WWOX: variants seen among roughly 807,000 people sequenced by gnomAD.
WWOX encodes WW domain-containing oxidoreductase.
WWOX carries 69 observed loss-of-function variants against 46.2 expected under a neutral mutation model. The ratio of observed to expected loss-of-function variants is 1.49; its 90% CI spans 1.23 to 1.82. The LOEUF (loss-of-function observed/expected upper bound fraction) is 1.82, where lower values mean the gene tolerates loss of function less well. WWOX is among the 40% of genes most tolerant of loss of function. WWOX has a pLI of 0.00. For synonymous variants in WWOX, 359 were observed against 202.6 expected, an observed-to-expected ratio of 1.77 and a Z score of -6.56; for missense variants, 919 against 542.6, an observed-to-expected ratio of 1.69 and a Z score of -6.89.
intron 8 of WWOX, among the ~76,000 whole-genome samples, chr16:79,207,557 A>G (rs1176748586): frequency 6.6e-6 from 1 of 152,248 alleles, no homozygotes; most frequent in Non-Finnish European, 1.5e-5. Context: ...GCAATCTTAG[A>G]ACATCTACTC....
intron 5 of WWOX, among the ~76,000 whole-genome samples, chr16:78,301,718 A>T (rs547072120): frequency 9.2e-5 from 14 of 152,242 alleles, no homozygotes; most frequent in African/African-American, 2.9e-4. Context: ...AAAGACTGAG[A>T]ATTGGAAATC....
intron 6 of WWOX, among the ~76,000 whole-genome samples, chr16:78,391,629 C>G (rs919397229): frequency 6.6e-6 from 1 of 152,154 alleles, no homozygotes; most frequent in Non-Finnish European, 1.5e-5. Context: ...GGGTGGATTG[C>G]TTGAGGCCAG....
chr16:78,352,540 C>T (rs1412280682), intron 5 of WWOX, among the ~76,000 whole-genome samples: 1 of 152,176 alleles, frequency 6.6e-6, no homozygotes, highest in Non-Finnish European at 1.5e-5. Flanking sequence ...TGCCCTGTTC[C>T]TGGTTCTCTC....
At chr16:78,282,105 G>T (rs541093108) in intron 5 of WWOX, among the ~76,000 whole-genome samples, 3 of 152,106 alleles carry the variant, frequency 2.0e-5, no homozygotes, top group Admixed American at 6.5e-5. Flanking sequence ...TCATGTCCCC[G>T]GATGATGCGG....
intron 8 of WWOX, among the ~76,000 whole-genome samples, chr16:79,037,009 G>C (rs977873794): frequency 1.4e-4 from 21 of 152,256 alleles, no homozygotes; most frequent in African/African-American, 5.1e-4. Context: ...CATGGCTCAC[G>C]TATTAACTGT....
chr16:78,808,276 C>G (rs968011342), intron 8 of WWOX, among the ~76,000 whole-genome samples: 2 of 152,180 alleles, frequency 1.3e-5, no homozygotes, highest in African/African-American at 4.8e-5. Flanking sequence ...CCCCTTTGGA[C>G]TATGGATCCG....
At chr16:78,369,276 A>C (rs1474580631) in intron 5 of WWOX, among the ~76,000 whole-genome samples, 1 of 152,154 alleles carries the variant, frequency 6.6e-6, no homozygotes, top group Non-Finnish European at 1.5e-5. Flanking sequence ...AGAATATTGC[A>C]GTGAAAACAC....
intron 8 of WWOX, among the ~76,000 whole-genome samples, chr16:78,834,904 C>T (rs866106629): frequency 3.3e-5 from 5 of 152,112 alleles, no homozygotes; most frequent in Admixed American, 2.6e-4. Flanking sequence ...TCATGCGTAC[C>T]ACCTTAGTCT....
intron 8 of WWOX, chr16:78,825,851 G>A (rs762207180): frequency 6.3e-6 from 4 of 631,614 alleles, no homozygotes; most frequent in Non-Finnish European, 1.2e-5. Flanking sequence ...GCTGCCCTGG[G>A]ACCCCGCTGG....
intron 8 of WWOX, among the ~76,000 whole-genome samples, chr16:78,942,590 G>T (rs909309272): frequency 3.5e-5 from 5 of 143,292 alleles, no homozygotes; most frequent in Non-Finnish European, 5.9e-5. Flanking sequence ...ATCAAGGAGA[G>T]CGTTACATTT....
intron 8 of WWOX, among the ~76,000 whole-genome samples, chr16:78,539,103 A>G (rs917394899): frequency 2.6e-5 from 4 of 152,220 alleles, no homozygotes; most frequent in Admixed American, 2.0e-4. Context: ...TGCAACCCTG[A>G]TAACTTGTGC....
intron 8 of WWOX, among the ~76,000 whole-genome samples, chr16:78,791,123 G>A (rs544191246): frequency 1.1e-4 from 17 of 152,244 alleles, no homozygotes; most frequent in Non-Finnish European, 2.2e-4. Flanking sequence ...GAAGAAGGGG[G>A]TTGGAGGTCA....
At chr16:78,379,463 T>C (rs1188772205) in intron 5 of WWOX, among the ~76,000 whole-genome samples, 1 of 152,162 alleles carries the variant, frequency 6.6e-6, no homozygotes, top group East Asian at 1.9e-4. Context: ...CTCCAGCCAC[T>C]GTACCGACGT....
At chr16:78,982,037 C>G (rs550150489) in intron 8 of WWOX, among the ~76,000 whole-genome samples, 56 of 152,224 alleles carry the variant, frequency 3.7e-4, no homozygotes, top group African/African-American at 1.3e-3. Context: ...GGCTCTGGAC[C>G]TATGCTGGGT....
chr16:79,169,586 T>C lies in WWOX; in HGVS notation c.1057-42022T>C, dbSNP rs1435712287. 2.0e-5 allele frequency among the ~76,000 whole-genome samples: 3 copies of C among 152,266 alleles called. No homozygotes were observed. In the East Asian group the frequency reaches 5.8e-4, roughly 29 times the overall value. On this transcript the variant is annotated intron_variant, in intron 8 of 8. Transcript: ENST00000566780. ...GAATCAAGGATGGGGAAGAGGAATTTTGAGAATGTGCTTCCTGCTTCACAC... is the reference window on the plus strand; with the variant it reads ...GAATCAAGGATGGGGAAGAGGAATTCTGAGAATGTGCTTCCTGCTTCACAC...
intron 8 of WWOX, among the ~76,000 whole-genome samples, chr16:78,681,208 C>T (rs1017365185): frequency 6.6e-6 from 1 of 152,014 alleles, no homozygotes; most frequent in Non-Finnish European, 1.5e-5. Flanking sequence ...GAGATCATGC[C>T]ACAGCCTGGG....
Position 78,144,472 on chromosome 16 carries a change from T to TACAC in WWOX, c.410-19710_410-19709insCACA, listed in dbSNP as rs1283680700. ...ACACATATATATATATACACACATATATATATATATATATACACACACACA... is the reference window on the plus strand; with the variant it reads ...ACACATATATATATATACACACATATACACATATATATATATATACACACACACA... On this transcript the variant is annotated intron_variant, in intron 4 of 8. Transcript: ENST00000566780. Among the ~76,000 whole-genome samples the TACAC allele has an allele frequency of 1.8e-3, 55 of 30,496 alleles. 4 individuals are homozygous for TACAC. Among genetic ancestry groups the TACAC allele is most frequent in the African/African-American group, 7.5e-3 (51 of 6,810 alleles). The allele number at this position is 30,496 out of a possible 152,430, so 20.0% of individuals were successfully genotyped here. A position where few individuals can be genotyped will look rare whatever the true frequency, so the allele number is the denominator to read the frequency against.
intron 5 of WWOX, among the ~76,000 whole-genome samples, chr16:78,169,479 T>G: frequency 5.5e-5 from 1 of 18,038 alleles, no homozygotes; most frequent in African/African-American, 3.1e-4. Context: ...CTCTGAGATC[T>G]CAGGACCTCT....
intron 8 of WWOX, among the ~76,000 whole-genome samples, chr16:78,462,808 A>G (rs2083983402): frequency 6.6e-6 from 1 of 152,196 alleles, no homozygotes; most frequent in Non-Finnish European, 1.5e-5. Context: ...AGCTCTGAGA[A>G]ACGAGGCAGC....
Sources: allele counts gnomAD v4.1 joint callset (sites outside exome capture counted in the v4.1 genomes callset), GRCh38; gene constraint gnomAD v4.1.1; transcripts MANE v1.5; gene names NCBI Gene and HGNC (gene_info 2026-07-23, HGNC 2026-07-21).